TLL1: variants seen among roughly 807,000 people sequenced by gnomAD.
The protein encoded by TLL1 is tolloid like 1.
A neutral mutation model predicts 128.2 loss-of-function variants in TLL1; 49 were observed. That is an observed-to-expected ratio of 0.38 (90% confidence interval 0.30 to 0.48). The LOEUF (loss-of-function observed/expected upper bound fraction) is 0.48. TLL1 is among the 20% of genes least tolerant of loss of function. TLL1 has a pLI of 0.96. For synonymous variants in TLL1, 454 were observed against 418.8 expected (o/e 1.08, Z -1.03); for missense variants, 1,123 against 1,242.0 (o/e 0.90, Z 1.44).
chr4:166,045,412 C>T (rs1298639122), intron 12 of TLL1, among the ~76,000 whole-genome samples: 2 of 152,116 alleles, frequency 1.3e-5, no homozygotes, highest in Admixed American at 6.6e-5. Flanking sequence ...TTAAGCCCTG[C>T]AGCCAATCTA....
rs1421660409 is a variant in TLL1, at chr4:165,873,756, A to T, written c.-149A>T. 1.3e-6 allele frequency: 1 copy of T among 763,522 alleles called. No homozygotes were observed. Among genetic ancestry groups the T allele is most frequent in the Admixed American group, 2.4e-5 (1 of 42,296 alleles). The allele number at this position is 763,522 out of a possible 1,614,324, so 47.3% of individuals were successfully genotyped here. ...TCTCTACTGTCCCGGCGGCATCCACATGTTTCCGGACACCTGAGCACCCCG... is the reference window on the plus strand; with the variant it reads ...TCTCTACTGTCCCGGCGGCATCCACTTGTTTCCGGACACCTGAGCACCCCG... On this transcript the variant is annotated 5_prime_UTR_variant, in exon 1 of 21. An upstream start codon of the reference 5' UTR is lost. Coordinates refer to ENST00000061240, the MANE Select transcript of TLL1 (RefSeq NM_012464.5).
At chr4:165,874,255 C>T (rs764930830) in intron 1 of TLL1, among the ~76,000 whole-genome samples, 182 bp downstream of exon 1, 1 of 151,960 alleles carries the variant, frequency 6.6e-6, no homozygotes, top group Admixed American at 6.6e-5. Flanking sequence ...GCTGCGGCCC[C>T]AGTTGACTAG....
intron 6 of TLL1, among the ~76,000 whole-genome samples, chr4:166,005,775 G>T (rs958925149): frequency 7.2e-5 from 11 of 151,730 alleles, no homozygotes; most frequent in African/African-American, 2.4e-4. Context: ...ATTTATAAAA[G>T]ATGTAACTTT....
chr4:165,955,950 C>T (rs6536937), intron 1 of TLL1, among the ~76,000 whole-genome samples: 5,066 of 152,168 alleles, frequency 0.033, 273 homozygotes, highest in African/African-American at 0.11. Context: ...CTGGGGGTGA[C>T]ATCACATATC....
In TLL1 at chr4:166,092,796, CTG is replaced by C. The variant is rs576637325; in HGVS notation, c.2656+1456_2656+1457del. ...TTTTTACCCCTTGTAAGTGGGATAA[CTG>C]AGGTTCCATTATGTCCCAGTGTGTT... On this transcript the variant is annotated intron_variant, in intron 19 of 20. Transcript: ENST00000061240. 7.2e-4 allele frequency among the ~76,000 whole-genome samples: 109 copies of C among 152,142 alleles called. 1 individual carries two copies. The highest frequency in any genetic ancestry group is 5.4e-3 in the South Asian group (26 of 4,822).
chr4:166,022,406 T>C (rs1738287267), intron 8 of TLL1, among the ~76,000 whole-genome samples: 1 of 151,982 alleles, frequency 6.6e-6, no homozygotes, highest in Admixed American at 6.6e-5. Context: ...CTCAGGTGTT[T>C]TTATTTTATT....
chr4:166,086,523 G>A (rs950228454), intron 18 of TLL1, among the ~76,000 whole-genome samples: 18 of 151,994 alleles, frequency 1.2e-4, no homozygotes, highest in Admixed American at 3.3e-4. Context: ...TGATGTGGAG[G>A]GCTAAAAGGC....
intron 1 of TLL1, among the ~76,000 whole-genome samples, chr4:165,983,714 T>C (rs1459588597): frequency 2.0e-5 from 3 of 151,868 alleles, no homozygotes; most frequent in Non-Finnish European, 4.4e-5. Context: ...ACTTCTAAAT[T>C]TGAAGTATGT....
At position 166,020,392 on chromosome 4, in the gene TLL1, GTTA is replaced by G. The variant is rs1164719985; in HGVS notation, c.1043-4917_1043-4915del. ...AGATGTCCACATAGGGAGGAGAATG[GTTA>G]TTATTACAACACTTCATCTTCCCAT... On this transcript the variant is annotated intron_variant, in intron 8 of 20. Transcript: ENST00000061240. 2.0e-5 allele frequency among the ~76,000 whole-genome samples: 3 copies of G among 152,246 alleles called. No homozygotes were observed. The East Asian group carries it at 5.8e-4, about 29-fold the overall frequency.
At chr4:165,875,198 T>C (rs551916824) in intron 1 of TLL1, 11 of 152,226 alleles carry the variant, frequency 7.2e-5, no homozygotes, top group Non-Finnish European at 1.5e-4. Context: ...ATATCTAGGG[T>C]TCTGCAGATT....
chr4:166,088,433 A>T (rs1272256203), intron 18 of TLL1, among the ~76,000 whole-genome samples: 5 of 152,150 alleles, frequency 3.3e-5, no homozygotes, highest in East Asian at 1.9e-4. Flanking sequence ...TGTTGATGTA[A>T]AGTCACTGTG....
intron 1 of TLL1, among the ~76,000 whole-genome samples, chr4:165,945,477 G>C (rs1378348029): frequency 6.6e-6 from 1 of 152,072 alleles, no homozygotes; most frequent in African/African-American, 2.4e-5. Context: ...GATAATGGTA[G>C]GGCTTTCAGT....
At chr4:166,097,390 C>T (rs561107532) in intron 19 of TLL1, among the ~76,000 whole-genome samples, 1 of 152,198 alleles carries the variant, frequency 6.6e-6, no homozygotes, top group South Asian at 2.1e-4. Context: ...GCACCTCTAT[C>T]AGTAGGTTGT....
At chr4:165,931,528 C>T (rs4691227) in intron 1 of TLL1, among the ~76,000 whole-genome samples, 151,123 of 151,970 alleles carry the variant, frequency 0.99, 75,140 homozygotes, top group Middle Eastern at 1. Flanking sequence ...ACCTCCTGGC[C>T]AACACGGTGA....
At position 166,093,469 on chromosome 4, in the gene TLL1, C is replaced by T. The variant is rs558182845; in HGVS notation, c.2656+2128C>T. Among the ~76,000 whole-genome samples, 3 of 152,296 alleles carry T rather than the reference C, an allele frequency of 2.0e-5. No individual in the cohort carries two copies. The East Asian group carries it at 5.8e-4, about 30-fold the overall frequency. ...CAAAGCAGCATTGCTGCCAACATGT[C>T]TCGCCTCCTGCCATAGGGCGGTTTT... is the stretch of plus-strand genomic sequence containing the variant. On this transcript the variant is annotated intron_variant, in intron 19 of 20. Coordinates refer to ENST00000061240, the MANE Select transcript of TLL1 (RefSeq NM_012464.5).
At chr4:165,951,938 C>T (rs1211459325) in intron 1 of TLL1, among the ~76,000 whole-genome samples, 2 of 152,124 alleles carry the variant, frequency 1.3e-5, no homozygotes, top group Non-Finnish European at 2.9e-5. Flanking sequence ...TAGAGCACTA[C>T]TAATCTACTT....
intron 12 of TLL1, among the ~76,000 whole-genome samples, 172 bp downstream of exon 12, chr4:166,043,591 C>T (rs1327044086): frequency 1.3e-5 from 2 of 152,068 alleles, no homozygotes; most frequent in Non-Finnish European, 2.9e-5. Context: ...TTTTTTTCTT[C>T]TTTCCTCGTT....
At chr4:166,068,995 T>G (rs1336118100) in intron 16 of TLL1, among the ~76,000 whole-genome samples, 1 of 151,732 alleles carries the variant, frequency 6.6e-6, no homozygotes, top group African/African-American at 2.4e-5. Flanking sequence ...AGACGATGCA[T>G]TATGGTTTTC....
chr4:166,075,234 G>A (rs777942782), intron 17 of TLL1, among the ~76,000 whole-genome samples: 1 of 152,202 alleles, frequency 6.6e-6, no homozygotes, highest in Non-Finnish European at 1.5e-5. Flanking sequence ...CATAGTAGCT[G>A]CTAGGATACC....
Sources: gnomAD v4.1 joint callset for allele counts (sites outside exome capture counted in the v4.1 genomes callset) on GRCh38, gnomAD v4.1.1 for gene constraint, MANE v1.5 for transcripts, NCBI Gene and HGNC (gene_info 2026-07-23, HGNC 2026-07-21) for gene names.